KIF22: variants seen among roughly 807,000 people sequenced by gnomAD.
KIF22 encodes the protein kinesin family member 22.
KIF22 carries 62 observed loss-of-function variants against 73.0 expected under a neutral mutation model. That is an observed-to-expected ratio of 0.85 (90% CI 0.69 to 1.05). The LOEUF is 1.05. Among genes scored for constraint, KIF22 ranks in the 50% least tolerant of loss-of-function variants. The pLI is 0.00. For synonymous variants in KIF22, 411 were observed against 340.1 expected (o/e 1.21, Z -2.29); for missense variants, 854 against 870.1 (o/e 0.98, Z 0.23).
Position 29,790,821 on chromosome 16 carries a change from C to A in KIF22, c.62C>A (p.Ala21Glu). 1.2e-6 allele frequency: 2 copies of A among 1,601,436 alleles called. No individual in the cohort carries two copies. Among genetic ancestry groups the A allele is most frequent in the East Asian group, 2.3e-5 (1 of 44,376 alleles). The change falls in exon 1 of 14, where the codon GCG (alanine) becomes GAG (glutamate). Residue 21 changes from alanine (A) to glutamate (E), a missense_variant. Around this residue, in one of 3 missense-constraint regions of KIF22, gnomAD observed 186 missense variants for 152.9 expected, o/e 1.22. Coordinates refer to ENST00000160827, the MANE Select transcript of KIF22 (RefSeq NM_007317.3). ...RREMAAASAA[A>E]ISGAGRCRLS... ...GAGATGGCGGCAGCTTCAGCGGCGGCGATCTCAGGTACTTGAGCCCGGCCT... is the reference window on the plus strand; with the variant it reads ...GAGATGGCGGCAGCTTCAGCGGCGGAGATCTCAGGTACTTGAGCCCGGCCT...
In KIF22 at chr16:29,798,462, C is replaced by A; in HGVS notation, c.355C>A (p.Gln119Lys). 1 of 1,614,170 alleles carries A rather than the reference C, an allele frequency of 6.2e-7. No individual in the cohort carries two copies. The highest frequency in any genetic ancestry group is 8.5e-7 in the Non-Finnish European group (1 of 1,180,040). Residue 119 changes from glutamine (Q) to lysine (K), a missense_variant, in exon 3 of 14, where the codon CAG becomes AAG. Coordinates refer to ENST00000160827, the MANE Select transcript of KIF22 (RefSeq NM_007317.3). This position sits in a 1 kb window ranked among gnomAD's most constrained non-coding sequence, Gnocchi z 4.1. Reference sequence around the variant, plus strand: ...CATCCTAAGGCACTTGCTGGAAGGGCAGAATGCCAGTGTGCTTGCCTATGG... The same window carrying A: ...CATCCTAAGGCACTTGCTGGAAGGGAAGAATGCCAGTGTGCTTGCCTATGG... ...QPILRHLLEG[Q>K]NASVLAYGPT...
intron 13 of KIF22, 29 bp downstream of exon 13, chr16:29,805,203 C>T: frequency 6.2e-7 from 1 of 1,614,118 alleles, no homozygotes; most frequent in Non-Finnish European, 8.5e-7. Flanking sequence ...CCCTCCTCTG[C>T]CTGTCCTGCG....
Position 29,798,424 on chromosome 16 carries a change from G to T in KIF22, c.317G>T (p.Gly106Val). Residue 106 changes from glycine to valine, a missense_variant, in exon 3 of 14, where the codon GGT (glycine) becomes GTT (valine). Transcript: ENST00000160827. The surrounding 1 kb of genome is among the most constrained non-coding windows in gnomAD (Gnocchi z 4.1). The stretch of plus-strand genomic sequence containing the variant: ...AGTACTCAGCAGGACATCTATGCAG[G>T]TTCAGTGCAGCCCATCCTAAGGCAC... The part of the protein sequence containing the change: ...ERSTQQDIYA[G>V]SVQPILRHLL... 11 of 1,613,542 alleles carry T rather than the reference G, an allele frequency of 6.8e-6. No homozygotes were observed. Among genetic ancestry groups the T allele is most frequent in the Non-Finnish European group, 8.5e-6 (10 of 1,179,830 alleles).
chr16:29,792,342 T>G, intron 1 of KIF22: 1 of 782,908 alleles, frequency 1.3e-6, no homozygotes, highest in Non-Finnish European at 1.6e-6. Flanking sequence ...CATGTGGCCC[T>G]CCCCTCTTCC....
At chr16:29,795,249 G>A (rs926997376) in intron 1 of KIF22, among the ~76,000 whole-genome samples, 1 of 152,204 alleles carries the variant, frequency 6.6e-6, no homozygotes, top group Non-Finnish European at 1.5e-5. Flanking sequence ...AGAACTAGAT[G>A]TCCAAGCGCT....
chr16:29,794,820 C>CAGA (rs1204736734), intron 1 of KIF22, among the ~76,000 whole-genome samples: 26 of 152,212 alleles, frequency 1.7e-4, no homozygotes, highest in Admixed American at 1.7e-3. Context: ...AGGTGATCTG[C>CAGA]CCACCTTGGC....
In KIF22 at chr16:29,798,662, T is replaced by A; in HGVS notation, c.464T>A (p.Leu155Gln). Residue 155 changes from leucine to glutamine, a missense_variant, in exon 4 of 14, where the codon CTG (leucine) becomes CAG (glutamine). Coordinates refer to ENST00000160827, the MANE Select transcript of KIF22 (RefSeq NM_007317.3). The surrounding 1 kb of genome is among the most constrained non-coding windows in gnomAD (Gnocchi z 4.1). ...GVIPRALMDLLQLTREEGAEG... is the reference protein window; with the variant it reads ...GVIPRALMDLQQLTREEGAEG... Reference sequence around the variant, plus strand: ...ATCCCGCGGGCTCTCATGGACCTCCTGCAGCTCACAAGGGAGGAGGGTGCC... The same window carrying A: ...ATCCCGCGGGCTCTCATGGACCTCCAGCAGCTCACAAGGGAGGAGGGTGCC... 6.2e-7 allele frequency: 1 copy of A among 1,614,178 alleles called. No individual in the cohort carries two copies. The highest frequency in any genetic ancestry group is 8.5e-7 in the Non-Finnish European group (1 of 1,180,032).
Position 29,798,349 on chromosome 16 carries a change from C to A in KIF22, c.267-25C>A. On this transcript the variant is annotated intron_variant, in intron 2 of 13. Transcript: ENST00000160827. This position sits in a 1 kb window ranked among gnomAD's most constrained non-coding sequence, Gnocchi z 4.1. Reference sequence around the variant, plus strand: ...ACACACACACACACACACACACACGCTAATTTCTTTCTTTCTTCCTGCAGG... The same window carrying A: ...ACACACACACACACACACACACACGATAATTTCTTTCTTTCTTCCTGCAGG... The A allele has an allele frequency of 1.5e-6, 2 of 1,333,696 alleles. No homozygotes were observed. Among genetic ancestry groups the A allele is most frequent in the Non-Finnish European group, 9.9e-7 (1 of 1,005,086 alleles). 82.6% of individuals were successfully genotyped at this position (1,333,696 alleles called of 1,614,324 possible).
intron 8 of KIF22, among the ~76,000 whole-genome samples, chr16:29,801,451 C>T (rs953874984): frequency 2.0e-5 from 3 of 152,202 alleles, no homozygotes; most frequent in Admixed American, 6.5e-5. Context: ...AGATGCCACA[C>T]ACAAGAAGAT....
chr16:29,802,812 C>T lies in KIF22; in HGVS notation c.1324C>T (p.Arg442Cys), dbSNP rs776122940. Residue 442 changes from arginine to cysteine, a missense_variant, in exon 9 of 14, where the codon CGC (arginine) becomes TGC (cysteine). Physicochemically the swap from Arg to Cys is radical, Grantham distance 180. Transcript: ENST00000160827. ...CAGCATGGACCCGGCCATGCTGGAG[C>T]GCCTCCTCAGCTTGGACCGTCTGCT... Reference protein sequence around the residue: ...LSSMDPAMLERLLSLDRLLAS... With the variant: ...LSSMDPAMLECLLSLDRLLAS... 5.0e-6 allele frequency: 8 copies of T among 1,606,526 alleles called. No individual in the cohort carries two copies. Among genetic ancestry groups the T allele is most frequent in the African/African-American group, 1.3e-5 (1 of 74,328 alleles).
chr16:29,799,798 G>T lies in KIF22; in HGVS notation c.1144+17G>T, dbSNP rs1225735275. 3.1e-6 allele frequency: 5 copies of T among 1,613,694 alleles called. No individual in the cohort carries two copies. The highest frequency in any genetic ancestry group is 1.3e-5 in the African/African-American group (1 of 74,906). On this transcript the variant is annotated intron_variant, in intron 7 of 13. Transcript: ENST00000160827. The stretch of plus-strand genomic sequence containing the variant: ...AGCCTCATGGTGAGAACTGGGGGAG[G>T]CAGGAGTGGAAACGCTGGGTCTGGA...
chr16:29,802,740 G>T (rs767639850), intron 8 of KIF22, 29 bp from the exon 9 acceptor site: 2 of 1,528,712 alleles, frequency 1.3e-6, no homozygotes, highest in Non-Finnish European at 1.8e-6. Context: ...GGAGGAGGTA[G>T]GTGGGGAGCA....
In KIF22 at chr16:29,796,268, C is replaced by CA. The variant is rs34919158; in HGVS notation, c.71-608dup. 1.8e-3 allele frequency among the ~76,000 whole-genome samples: 183 copies of CA among 99,466 alleles called. 8 individuals carry two copies. The highest frequency in any genetic ancestry group is 5.3e-3 in the African/African-American group (129 of 24,410). 65.3% of individuals were successfully genotyped at this position (99,466 alleles called of 152,430 possible). A position where few individuals can be genotyped will look rare whatever the true frequency, so the allele number is the denominator to read the frequency against. On this transcript the variant is annotated intron_variant, in intron 1 of 13. Coordinates refer to ENST00000160827, the MANE Select transcript of KIF22 (RefSeq NM_007317.3). ...CCTGGGTGACAGAGCAAGACTGTCT[C>CA]AAAAAAAAAAAAAAAAACACACACA... is the stretch of plus-strand genomic sequence containing the variant.
Position 29,797,652 on chromosome 16 carries a change from T to C in KIF22, c.266+564T>C, listed in dbSNP as rs1218832344. ...GTCTATAGCTGCTTTCTGACTACAG[T>C]GGCAGAGTTGAGTAGTTGTAAAAGG... On this transcript the variant is annotated intron_variant, in intron 2 of 13. Transcript: ENST00000160827. This position sits in a 1 kb window ranked among gnomAD's most constrained non-coding sequence, Gnocchi z 4.1. Among the ~76,000 whole-genome samples the C allele has an allele frequency of 6.6e-6, 1 of 152,200 alleles. No homozygotes were observed. Among genetic ancestry groups the C allele is most frequent in the African/African-American group, 2.4e-5 (1 of 41,440 alleles).
At chr16:29,795,047 C>T (rs748906577) in intron 1 of KIF22, among the ~76,000 whole-genome samples, 19 of 152,352 alleles carry the variant, frequency 1.2e-4, no homozygotes, top group Middle Eastern at 6.8e-3. Flanking sequence ...AGATTGATCA[C>T]TGCGCTTCCT....
chr16:29,799,231 A>G (rs1899040422), intron 5 of KIF22, 33 bp from the exon 6 acceptor site: 1 of 1,610,946 alleles, frequency 6.2e-7, no homozygotes. Context: ...CAGGAGCCTG[A>G]GCTAAGCACG....
At position 29,802,824 on chromosome 16, in the gene KIF22, T is replaced by C; in HGVS notation, c.1336T>C (p.Leu446=). ...DPAMLERLLS[L]DRLLASQGSQ... ...GGCCATGCTGGAGCGCCTCCTCAGC[T>C]TGGACCGTCTGCTTGCCTCCCAGGG... Residue 446 remains leucine, a synonymous_variant, in exon 9 of 14, where the codon TTG becomes CTG. Coordinates refer to ENST00000160827, the MANE Select transcript of KIF22 (RefSeq NM_007317.3). 1 of 1,610,714 alleles carries C rather than the reference T, an allele frequency of 6.2e-7. No homozygotes were observed. Among genetic ancestry groups the C allele is most frequent in the South Asian group, 1.1e-5 (1 of 90,336 alleles).
chr16:29,798,321 C>T lies in KIF22; in HGVS notation c.267-53C>T. 8.5e-7 allele frequency: 1 copy of T among 1,174,430 alleles called. No homozygotes were observed. Among genetic ancestry groups the T allele is most frequent in the Non-Finnish European group, 1.2e-6 (1 of 854,326 alleles). 72.8% of individuals were successfully genotyped at this position (1,174,430 alleles called of 1,614,324 possible). ...CACCCCACTCCACCCCTTACACACA[C>T]ACACACACACACACACACACACACA... On this transcript the variant is annotated intron_variant, in intron 2 of 13. Coordinates refer to ENST00000160827, the MANE Select transcript of KIF22 (RefSeq NM_007317.3). This position sits in a 1 kb window ranked among gnomAD's most constrained non-coding sequence, Gnocchi z 4.1.
Position 29,797,177 on chromosome 16 carries a change from T to G in KIF22, c.266+89T>G. The G allele has an allele frequency of 1.0e-6, 1 of 990,496 alleles. No homozygotes were observed. 61.4% of individuals were successfully genotyped at this position (990,496 alleles called of 1,614,324 possible). ...TCCCCTGCCTCCCCAGGATCCTTGC[T>G]CCCTCCTTAGCACCGCTTTGTTCCC... On this transcript the variant is annotated intron_variant, in intron 2 of 13. Coordinates refer to ENST00000160827, the MANE Select transcript of KIF22 (RefSeq NM_007317.3). This position sits in a 1 kb window ranked among gnomAD's most constrained non-coding sequence, Gnocchi z 4.1.
Sources: allele counts gnomAD v4.1 joint callset (sites outside exome capture counted in the v4.1 genomes callset), GRCh38; gene constraint gnomAD v4.1.1; regional missense constraint gnomAD v4.1.1; non-coding constraint Gnocchi (gnomAD v3.1); transcripts MANE v1.5; gene names NCBI Gene and HGNC (gene_info 2026-07-23, HGNC 2026-07-21).